TEX15: variants seen among roughly 807,000 people sequenced by gnomAD.
The protein encoded by TEX15 is testis-expressed protein 15.
Under a neutral mutation model 237.3 loss-of-function variants are expected in TEX15, and 171 were observed. The ratio of observed to expected loss-of-function variants is 0.72; its 90% CI spans 0.64 to 0.82. The LOEUF is 0.82. Ranked by LOEUF, TEX15 falls within the 40% of genes least tolerant of loss-of-function variation. The pLI, the probability that TEX15 is intolerant of heterozygous loss-of-function variation, is 0.00. For missense variants in TEX15, 3,750 were observed against 3,646.5 expected, an observed-to-expected ratio of 1.03 and a Z score of -0.73; for synonymous variants, 1,338 against 1,269.8, an observed-to-expected ratio of 1.05 and a Z score of -1.14.
In TEX15 at chr8:30,846,238, T is replaced by A. The variant is rs1420549184; in HGVS notation, c.3929A>T (p.Asp1310Val). 1.2e-6 allele frequency: 2 copies of A among 1,613,630 alleles called. No homozygotes were observed. The highest frequency in any genetic ancestry group is 1.7e-5 in the Admixed American group (1 of 60,006). The change falls in exon 8 of 11, where the codon GAT becomes GTT. Residue 1310 changes from aspartate (D) to valine (V), a missense_variant. Coordinates refer to ENST00000643185, the MANE Select transcript of TEX15 (RefSeq NM_001350162.2). ...SKRKLHISSR[D>V]QNIPHKDLRR... is the part of the protein sequence containing the mutation. ...TAAATCTTTATGTGGTATGTTCTGA[T>A]CCCTGGAAGATATATGTAGCTTCCT... is the stretch of plus-strand genomic sequence containing the variant.
rs748560357 is a variant in TEX15 at position 30,848,046 on chromosome 8, T to C, written c.2121A>G (p.Leu707=). ...TTGGAGTAATTTGCCATTCCAATGC[T>C]AGATGATCTAGTTCATCCTTATCCT... The part of the protein sequence containing the change: ...TIKDKDELDH[L]ALEWQITPSF... The change falls in exon 8 of 11, where the codon CTA becomes CTG. Residue 707 remains leucine, a synonymous_variant. Transcript: ENST00000643185. 62 of 1,613,768 alleles carry C rather than the reference T, an allele frequency of 3.8e-5. No individual in the cohort carries two copies. Among genetic ancestry groups the C allele is most frequent in the South Asian group, 2.0e-4 (18 of 91,068 alleles).
intron 10 of TEX15, among the ~76,000 whole-genome samples, chr8:30,833,980 C>T (rs1807237936): frequency 6.6e-6 from 1 of 152,050 alleles, no homozygotes; most frequent in Non-Finnish European, 1.5e-5. Context: ...CAAAAGAAAG[C>T]CCAAACTATG....
rs1563236222 is a variant in TEX15, at chr8:30,844,871, GCT to G, written c.5294_5295del (p.Glu1765AlafsTer11). ...GAAGAGCACTGTTCTGTCTTTAGAA[GCT>G]CTTTTTCTCTACAGCTCTGCTCACA... ...PHCEQSCREK[E>X]LLKTEQCSSG... On this transcript the variant is annotated frameshift_variant, in exon 8 of 11. Coordinates refer to ENST00000643185, the MANE Select transcript of TEX15 (RefSeq NM_001350162.2). LOFTEE classifies it high-confidence loss of function. 4 of 1,613,346 alleles carry G rather than the reference GCT, an allele frequency of 2.5e-6. No individual in the cohort carries two copies. Among genetic ancestry groups the G allele is most frequent in the Non-Finnish European group, 2.5e-6 (3 of 1,179,548 alleles).
At position 30,846,160 on chromosome 8, in the gene TEX15, G is replaced by C. The variant is rs763454047; in HGVS notation, c.4007C>G (p.Ser1336Cys). The change falls in exon 8 of 11, where the codon TCT becomes TGT. Residue 1336 changes from serine to cysteine, a missense_variant. Physicochemically the swap from Ser to Cys is moderately radical, Grantham distance 112. Transcript: ENST00000643185. Reference sequence around the variant, plus strand: ...TTGGGATAATGAAGAGAAACACTCAGATGAGTCTTGACTGGTTAGCCTCCT... The same window carrying C: ...TTGGGATAATGAAGAGAAACACTCACATGAGTCTTGACTGGTTAGCCTCCT... ...RKRRLTSQDS[S>C]ECFSSLSQGR... The C allele has an allele frequency of 6.2e-7, 1 of 1,613,456 alleles. No individual in the cohort carries two copies. Among genetic ancestry groups the C allele is most frequent in the Non-Finnish European group, 8.5e-7 (1 of 1,179,614 alleles).
intron 3 of TEX15, 117 bp from the exon 4 acceptor site, chr8:30,875,219 A>G: frequency 1.8e-6 from 1 of 550,354 alleles, no homozygotes; most frequent in African/African-American, 1.9e-5. Flanking sequence ...TTCATTAACA[A>G]CATAAGGCAA....
chr8:30,850,810 T>C (rs967052717), intron 7 of TEX15, among the ~76,000 whole-genome samples: 4 of 152,080 alleles, frequency 2.6e-5, no homozygotes, highest in Non-Finnish European at 4.4e-5. Context: ...AAACATGATG[T>C]CAATTACATA....
rs1807199206 is a variant in TEX15 at position 30,832,249 on chromosome 8, A to G, written c.*1037T>C. ...TTTGCTTACATAAAAAGTTTGCAAAAGCACTGAAGCTTTGCTAGTTATTTG... is the reference window on the plus strand; with the variant it reads ...TTTGCTTACATAAAAAGTTTGCAAAGGCACTGAAGCTTTGCTAGTTATTTG... On this transcript the variant is annotated 3_prime_UTR_variant, in exon 11 of 11. Transcript: ENST00000643185. The G allele has an allele frequency of 1.3e-5, 2 of 152,278 alleles. No homozygotes were observed. Among genetic ancestry groups the G allele is most frequent in the South Asian group, 4.1e-4 (2 of 4,836 alleles). 9.4% of individuals were successfully genotyped at this position (152,278 alleles called of 1,614,324 possible). A position where few individuals can be genotyped will look rare whatever the true frequency, so the allele number is the denominator to read the frequency against.
chr8:30,848,656 T>A lies in TEX15; in HGVS notation c.1511A>T (p.Asn504Ile), dbSNP rs1210298593. ...GTTGTGAGCCCAAGATTGTGAATCA[T>A]TAACAGAAGTTTTAAAGCAAGGGGT... ...LDTPCFKTSV[N>I]DSQSWAHNMG... The change falls in exon 8 of 11, where the codon AAT (asparagine) becomes ATT (isoleucine). Residue 504 changes from asparagine (N) to isoleucine (I), a missense_variant. By Grantham distance (149) the Asn-to-Ile change is moderately radical. Coordinates refer to ENST00000643185, the MANE Select transcript of TEX15 (RefSeq NM_001350162.2). The A allele has an allele frequency of 2.5e-6, 4 of 1,614,080 alleles. No homozygotes were observed. The African/African-American group carries it at 5.3e-5, about 22-fold the overall frequency.
intron 7 of TEX15, among the ~76,000 whole-genome samples, chr8:30,851,674 T>C (rs1585288519): frequency 6.7e-6 from 1 of 149,642 alleles, no homozygotes; most frequent in Middle Eastern, 3.6e-3. Flanking sequence ...TATACCAATG[T>C]GGGAAAAGAA....
rs1393157757 is a variant in TEX15, at chr8:30,835,611, T to A, written c.9481+1192A>T. 2.0e-5 allele frequency among the ~76,000 whole-genome samples: 3 copies of A among 152,128 alleles called. No individual in the cohort carries two copies. In the East Asian group the frequency reaches 5.8e-4, roughly 29 times the overall value. On this transcript the variant is annotated intron_variant, in intron 10 of 10. Coordinates refer to ENST00000643185, the MANE Select transcript of TEX15 (RefSeq NM_001350162.2). ...TCTTGCATTTCTCCGTATAAGATAT[T>A]AAAAGATGGTTATTTTTATTTAAAG...
At position 30,882,292 on chromosome 8, in the gene TEX15, T is replaced by C. The variant is rs543473353; in HGVS notation, c.136+4875A>G. ...ACATATTCTGTATGATTTCAATTTA[T>C]TTATTTATTTATGAGACGGAGTCTC... On this transcript the variant is annotated intron_variant, in intron 3 of 10. Transcript: ENST00000643185. Among the ~76,000 whole-genome samples, 13 of 152,286 alleles carry C rather than the reference T, an allele frequency of 8.5e-5. No homozygotes were observed. In the South Asian group the frequency reaches 2.7e-3, roughly 32 times the overall value.
intron 7 of TEX15, among the ~76,000 whole-genome samples, chr8:30,854,026 T>C (rs6985408): frequency 6.6e-6 from 1 of 151,946 alleles, no homozygotes; most frequent in African/African-American, 2.4e-5. Flanking sequence ...TTTATAGCTA[T>C]AAAGACCTAT....
chr8:30,884,875 T>TA (rs1171831956), intron 3 of TEX15, among the ~76,000 whole-genome samples: 9 of 152,298 alleles, frequency 5.9e-5, no homozygotes, highest in African/African-American at 1.9e-4. Flanking sequence ...ATTTTGGATT[T>TA]AATTTGTCCT....
intron 3 of TEX15, among the ~76,000 whole-genome samples, chr8:30,884,051 A>G (rs1563268825): frequency 6.6e-6 from 1 of 152,124 alleles, no homozygotes; most frequent in Non-Finnish European, 1.5e-5. Context: ...TGATTTTTAA[A>G]TCTTTTTCTA....
rs1346308495 is a variant in TEX15, at chr8:30,831,688, G to A, written c.*1598C>T. 1 of 152,142 alleles carries A rather than the reference G, an allele frequency of 6.6e-6. No homozygotes were observed. Among genetic ancestry groups the A allele is most frequent in the Non-Finnish European group, 1.5e-5 (1 of 68,010 alleles). 9.4% of individuals were successfully genotyped at this position (152,142 alleles called of 1,614,324 possible). On this transcript the variant is annotated 3_prime_UTR_variant, in exon 11 of 11. Transcript: ENST00000643185. ...AAGACAATGTCAACAGAATCTGAAA[G>A]TTGTTTAAAGAAACAATCCTTAACT...
intron 2 of TEX15, chr8:30,887,556 T>G (rs1166266958): frequency 1.8e-5 from 5 of 280,614 alleles, no homozygotes; most frequent in Middle Eastern, 1.1e-3. Context: ...CCCAGCACTT[T>G]GAGAGGCTGA....
At chr8:30,871,089 G>A (rs1357148233) in intron 4 of TEX15, among the ~76,000 whole-genome samples, 1 of 151,884 alleles carries the variant, frequency 6.6e-6, no homozygotes, top group Non-Finnish European at 1.5e-5. Flanking sequence ...TCTGCTCTCT[G>A]ATCCATTCTT....
Position 30,842,138 on chromosome 8 carries a change from A to G in TEX15, c.8029T>C (p.Leu2677=). The G allele has an allele frequency of 6.2e-7, 1 of 1,613,356 alleles. No homozygotes were observed. The highest frequency in any genetic ancestry group is 8.5e-7 in the Non-Finnish European group (1 of 1,179,676). ...NNNKFSISTM[L]PPVSECINKN... ...TTTATGCACTCTGATACTGGGGGCA[A>G]CATCGTAGAAATACTAAATTTATTG... Residue 2677 remains leucine (L), a synonymous_variant, in exon 8 of 11, where the codon TTG becomes CTG. Transcript: ENST00000643185.
chr8:30,856,986 G>A (rs1253429627), intron 7 of TEX15, among the ~76,000 whole-genome samples: 2 of 152,156 alleles, frequency 1.3e-5, no homozygotes, highest in Non-Finnish European at 2.9e-5. Flanking sequence ...AAAAGATGAA[G>A]GATCAGTTAT....
Sources: gnomAD v4.1 joint callset for allele counts (sites outside exome capture counted in the v4.1 genomes callset) on GRCh38, gnomAD v4.1.1 for gene constraint, MANE v1.5 for transcripts, NCBI Gene and HGNC (gene_info 2026-07-23, HGNC 2026-07-21) for gene names.